Variants in GRAMD2A observed in about 807,000 individuals in gnomAD.
GRAMD2A encodes GRAM domain containing 2A, also known as GRAM domain-containing protein 2A.
GRAMD2A carries 37 observed loss-of-function variants against 51.1 expected under a neutral mutation model. The ratio of observed to expected loss-of-function variants is 0.72; its 90% CI spans 0.56 to 0.95. The LOEUF (loss-of-function observed/expected upper bound fraction) is 0.95, where lower values mean the gene tolerates loss of function less well. Ranked by LOEUF, GRAMD2A falls within the 40% of genes least tolerant of loss-of-function variation. GRAMD2A has a pLI of 0.00. For missense variants in GRAMD2A, 414 were observed against 426.9 expected (o/e 0.97, Z 0.27); for synonymous variants, 136 against 157.1 (o/e 0.87, Z 1.01).
chr15:72,185,859 GAT>G (rs2081731419), intron 1 of GRAMD2A, among the ~76,000 whole-genome samples: 1 of 152,188 alleles, frequency 6.6e-6, no homozygotes, highest in South Asian at 2.1e-4. Flanking sequence ...TTCACAAAAA[GAT>G]AACCCAGGGA....
rs540162740 is a variant in GRAMD2A, at chr15:72,162,220, C to T, written c.1061+53G>A. 3.0e-5 allele frequency: 43 copies of T among 1,454,978 alleles called. 1 individual carries two copies. In the Middle Eastern group the frequency reaches 5.3e-4, roughly 18 times the overall value. 90.1% of individuals were successfully genotyped at this position (1,454,978 alleles called of 1,614,324 possible). ...AGGCAGCCTGGCCTGAGGTTCTTGG[C>T]TCCTGTCCTCAACCCTCAATATCAA... On this transcript the variant is annotated intron_variant, in intron 11 of 11. Transcript: ENST00000309731.
At chr15:72,163,545 T>A in intron 9 of GRAMD2A, 68 bp downstream of exon 9, 1 of 1,598,208 alleles carries the variant, frequency 6.3e-7, no homozygotes, top group Non-Finnish European at 8.5e-7. Context: ...GCCCTTTTTA[T>A]GGAACTGGGA....
chr15:72,162,044 A>G, intron 11 of GRAMD2A, 32 bp from the exon 12 acceptor site: 1 of 1,613,794 alleles, frequency 6.2e-7, no homozygotes, highest in Non-Finnish European at 8.5e-7. Context: ...ACATCAGGGA[A>G]AGGGCCCAGA....
intron 1 of GRAMD2A, among the ~76,000 whole-genome samples, chr15:72,194,108 C>T (rs2081788427): frequency 6.6e-6 from 1 of 152,208 alleles, no homozygotes; most frequent in African/African-American, 2.4e-5. Flanking sequence ...AGACTGATGC[C>T]CTGAAGTCCA....
Position 72,163,374 on chromosome 15 carries a change from G to A in GRAMD2A, c.848C>T (p.Pro283Leu). 1 of 1,614,084 alleles carries A rather than the reference G, an allele frequency of 6.2e-7. No individual in the cohort carries two copies. The highest frequency in any genetic ancestry group is 1.1e-5 in the South Asian group (1 of 91,086). ...ACPKKMPNCSPTAKNAVYEED... is the reference protein window; with the variant it reads ...ACPKKMPNCSLTAKNAVYEED... Reference sequence around the variant, plus strand: ...CTCATAGACAGCATTCTTTGCAGTGGGAGAGCAGTTCGGCATCTTCTTAGG... The same window carrying A: ...CTCATAGACAGCATTCTTTGCAGTGAGAGAGCAGTTCGGCATCTTCTTAGG... Residue 283 changes from proline to leucine, a missense_variant, in exon 10 of 12, where the codon CCC becomes CTC. Coordinates refer to ENST00000309731, the MANE Select transcript of GRAMD2A (RefSeq NM_001012642.3).
intron 1 of GRAMD2A, among the ~76,000 whole-genome samples, chr15:72,175,429 T>C (rs1245062629): frequency 6.6e-6 from 1 of 152,202 alleles, no homozygotes; most frequent in Non-Finnish European, 1.5e-5. Flanking sequence ...CTCCCAGACC[T>C]TCCTGCTTTC....
intron 10 of GRAMD2A, 39 bp from the exon 11 acceptor site, chr15:72,162,416 A>T (rs1779111473): frequency 6.8e-7 from 1 of 1,464,872 alleles, no homozygotes; most frequent in Admixed American, 1.7e-5. Flanking sequence ...TATTTCTTCC[A>T]CAGAAAGAGC....
Position 72,163,638 on chromosome 15 carries a change from G to A in GRAMD2A, c.720C>T (p.Phe240=), listed in dbSNP as rs866533721. 5 of 1,601,012 alleles carry A rather than the reference G, an allele frequency of 3.1e-6. No individual in the cohort carries two copies. In the Middle Eastern group the frequency reaches 6.7e-4, roughly 213 times the overall value. ...PSSVDSTDSF[F]PSRKPPMSEK... ...CAGACATTGGAGGCTTCCTGGAGGGGAAGAAACTGTCTGTGGAGTCCACGG... is the reference window on the plus strand; with the variant it reads ...CAGACATTGGAGGCTTCCTGGAGGGAAAGAAACTGTCTGTGGAGTCCACGG... Residue 240 remains phenylalanine (F), a synonymous_variant, in exon 9 of 12, where the codon TTC becomes TTT. Transcript: ENST00000309731.
chr15:72,166,905 A>C lies in GRAMD2A; in HGVS notation c.471+89T>G. 9.0e-7 allele frequency: 1 copy of C among 1,107,130 alleles called. No individual in the cohort carries two copies. The highest frequency in any genetic ancestry group is 1.4e-6 in the Non-Finnish European group (1 of 722,776). 68.6% of individuals were successfully genotyped at this position (1,107,130 alleles called of 1,614,324 possible). A position where few individuals can be genotyped will look rare whatever the true frequency, so the allele number is the denominator to read the frequency against. On this transcript the variant is annotated intron_variant, in intron 6 of 11. Coordinates refer to ENST00000309731, the MANE Select transcript of GRAMD2A (RefSeq NM_001012642.3). This position sits in a 1 kb window ranked among gnomAD's most constrained non-coding sequence, Gnocchi z 4.1. ...GAGAGCTGCAGGGTGGGGTGAAATA[A>C]AGACCTGGGAATGTGCCCGAGTCAG...
chr15:72,174,348 A>G (rs766910708), intron 1 of GRAMD2A, among the ~76,000 whole-genome samples: 2 of 151,984 alleles, frequency 1.3e-5, no homozygotes, highest in African/African-American at 2.4e-5. Context: ...CTGGTCCCCC[A>G]CCCTGCAGGC....
At chr15:72,176,353 G>C (rs535882429) in intron 1 of GRAMD2A, among the ~76,000 whole-genome samples, 3 of 152,230 alleles carry the variant, frequency 2.0e-5, no homozygotes, top group Non-Finnish European at 4.4e-5. Context: ...CCCCACAGCT[G>C]GGGTGGGGTG....
At chr15:72,169,695 G>A (rs2140548103) in intron 2 of GRAMD2A, 152 bp downstream of exon 2, 4 of 703,752 alleles carry the variant, frequency 5.7e-6, no homozygotes, top group Middle Eastern at 2.4e-4. Flanking sequence ...TGAGGGGCGG[G>A]AGGAAGAAGC....
At chr15:72,168,678 G>T in intron 3 of GRAMD2A, 112 bp from the exon 4 acceptor site, 1 of 889,372 alleles carries the variant, frequency 1.1e-6, no homozygotes, top group Non-Finnish European at 1.9e-6. Context: ...TGGGGACTTA[G>T]CATGAGGCAG....
intron 1 of GRAMD2A, among the ~76,000 whole-genome samples, chr15:72,182,541 A>T (rs1426422682): frequency 1.3e-5 from 2 of 152,236 alleles, no homozygotes; most frequent in Non-Finnish European, 2.9e-5. Flanking sequence ...AGAAATGTTT[A>T]TGCTGTTAAT....
In GRAMD2A at chr15:72,167,086, T is replaced by A. The variant is rs200501378; in HGVS notation, c.379A>T (p.Ile127Phe). The change falls in exon 6 of 12, where the codon ATT (isoleucine) becomes TTT (phenylalanine). Residue 127 changes from isoleucine (I) to phenylalanine (F), a missense_variant. Ile to Phe is a conservative substitution (Grantham distance 21). Coordinates refer to ENST00000309731, the MANE Select transcript of GRAMD2A (RefSeq NM_001012642.3). ...SLFGKDIKVVIPVVSVQMIKK... is the reference protein window; with the variant it reads ...SLFGKDIKVVFPVVSVQMIKK... ...ATCATTTGCACAGACACCACAGGAA[T>A]GACCACCTGAGAGGGAGAGGGATGC... is the stretch of plus-strand genomic sequence containing the variant. 259 of 1,612,334 alleles carry A rather than the reference T, an allele frequency of 1.6e-4. 1 individual carries two copies. The highest frequency in any genetic ancestry group is 6.8e-6 in the Non-Finnish European group (8 of 1,178,444).
chr15:72,195,712 G>C (rs1433042884), intron 1 of GRAMD2A, among the ~76,000 whole-genome samples: 2 of 152,178 alleles, frequency 1.3e-5, no homozygotes, highest in African/African-American at 4.8e-5. Flanking sequence ...CTGAGGTCGA[G>C]AGTTGGAGAC....
At chr15:72,186,434 C>A (rs1302417899) in intron 1 of GRAMD2A, among the ~76,000 whole-genome samples, 1 of 151,954 alleles carries the variant, frequency 6.6e-6, no homozygotes, top group Non-Finnish European at 1.5e-5. Flanking sequence ...AAGCGATTCT[C>A]CCGCCTCAGC....
In GRAMD2A at chr15:72,170,163, A is replaced by C; in HGVS notation, c.42-224T>G. Reference sequence around the variant, plus strand: ...TCACACAGCGTCTTTCCCGAAAGCCAGAAGTTCTGCTTATGCCTAGGCTGG... The same window carrying C: ...TCACACAGCGTCTTTCCCGAAAGCCCGAAGTTCTGCTTATGCCTAGGCTGG... On this transcript the variant is annotated intron_variant, in intron 1 of 11. Coordinates refer to ENST00000309731, the MANE Select transcript of GRAMD2A (RefSeq NM_001012642.3). This position sits in a 1 kb window ranked among gnomAD's most constrained non-coding sequence, Gnocchi z 4.5. 1.5e-6 allele frequency: 1 copy of C among 657,604 alleles called. No individual in the cohort carries two copies. The highest frequency in any genetic ancestry group is 1.5e-5 in the South Asian group (1 of 66,396). 40.7% of individuals were successfully genotyped at this position (657,604 alleles called of 1,614,324 possible).
intron 8 of GRAMD2A, 32 bp from the exon 9 acceptor site, chr15:72,163,789 T>A (rs765621504): frequency 6.3e-7 from 1 of 1,599,994 alleles, no homozygotes; most frequent in Non-Finnish European, 8.5e-7. Context: ...TATCTTACCA[T>A]GGCCCTTGCG....
Sources: gnomAD v4.1 joint callset for allele counts (sites outside exome capture counted in the v4.1 genomes callset) on GRCh38, gnomAD v4.1.1 for gene constraint, Gnocchi (gnomAD v3.1) non-coding constraint, MANE v1.5 for transcripts, NCBI Gene and HGNC (gene_info 2026-07-23, HGNC 2026-07-21) for gene names.